RNF145: variants seen among roughly 807,000 people sequenced by gnomAD.
The protein encoded by RNF145 is ring finger protein 145.
Under a neutral mutation model 57.3 loss-of-function variants are expected in RNF145, and 12 were observed. The ratio of observed to expected loss-of-function variants is 0.21; its 90% confidence interval spans 0.13 to 0.34. RNF145 has a LOEUF of 0.34. RNF145 is among the 10% of genes least tolerant of loss of function. RNF145 has a pLI of 1.00. For missense variants in RNF145, 429 were observed against 799.0 expected, an observed-to-expected ratio of 0.54 and a Z score of 5.58; for synonymous variants, 262 against 288.3, an observed-to-expected ratio of 0.91 and a Z score of 0.92.
chr5:159,194,824 C>A lies in RNF145; in HGVS notation c.185G>T (p.Gly62Val). Residue 62 changes from glycine (G) to valine (V), a missense_variant and splice_region_variant, in exon 3 of 11, where the codon GGT becomes GTT. Around this residue, in one of 4 missense-constraint regions of RNF145, gnomAD observed 109 missense variants for 207.2 expected, o/e 0.53. Coordinates refer to ENST00000424310, the MANE Select transcript of RNF145 (RefSeq NM_001199383.2). ...KYLALNMHYV[G>V]YILSVVLLTL... ...TAGCAGCACCACACTTAAGATATAA[C>A]CTGTACCAGAAAGATAAATAAAATA... is the stretch of plus-strand genomic sequence containing the variant. 2 of 1,578,186 alleles carry A rather than the reference C, an allele frequency of 1.3e-6. No individual in the cohort carries two copies. The highest frequency in any genetic ancestry group is 1.7e-6 in the Non-Finnish European group (2 of 1,153,948).
At chr5:159,190,881 A>G (rs189130781) in intron 3 of RNF145, among the ~76,000 whole-genome samples, 1 of 152,248 alleles carries the variant, frequency 6.6e-6, no homozygotes, top group East Asian at 1.9e-4. Flanking sequence ...ATACTATCAT[A>G]TAGTATAAAT....
intron 2 of RNF145, among the ~76,000 whole-genome samples, chr5:159,198,011 CAGA>C (rs1258089142): frequency 6.6e-6 from 1 of 152,026 alleles, no homozygotes; most frequent in Non-Finnish European, 1.5e-5. Flanking sequence ...GAGGCCAAAG[CAGA>C]AGATCACTTG....
intron 10 of RNF145, among the ~76,000 whole-genome samples, chr5:159,160,976 A>G (rs1438448904): frequency 3.3e-5 from 5 of 152,216 alleles, no homozygotes; most frequent in Non-Finnish European, 7.3e-5. Context: ...GTGAGTGTGT[A>G]TTCAGGAGTA....
At position 159,192,923 on chromosome 5, in the gene RNF145, T is replaced by C. The variant is rs1033597003; in HGVS notation, c.293+1793A>G. On this transcript the variant is annotated intron_variant, in intron 3 of 10. Transcript: ENST00000424310. ...TGCATTACACTCTATAGATACAATTTTTGTTTACAAAAGAGTAAGCAAAGA... is the reference window on the plus strand; with the variant it reads ...TGCATTACACTCTATAGATACAATTCTTGTTTACAAAAGAGTAAGCAAAGA... Among the ~76,000 whole-genome samples, 3 of 152,248 alleles carry C rather than the reference T, an allele frequency of 2.0e-5. No individual in the cohort carries two copies. The East Asian group carries it at 5.8e-4, about 29-fold the overall frequency.
chr5:159,158,016 G>C lies in RNF145; in HGVS notation c.*654C>G, dbSNP rs1320096893. ...TCCGTCATAAAGTTCAAGAGTCTCA[G>C]ATTACATGAATGCACCCGCAAGGCC... On this transcript the variant is annotated 3_prime_UTR_variant, in exon 11 of 11. Coordinates refer to ENST00000424310, the MANE Select transcript of RNF145 (RefSeq NM_001199383.2). The C allele has an allele frequency of 6.5e-6, 1 of 152,782 alleles. No homozygotes were observed. The highest frequency in any genetic ancestry group is 1.5e-5 in the Non-Finnish European group (1 of 68,128). The allele number at this position is 152,782 out of a possible 1,614,324, so 9.5% of individuals were successfully genotyped here.
chr5:159,194,641 C>A, intron 3 of RNF145, 75 bp downstream of exon 3: 2 of 943,076 alleles, frequency 2.1e-6, no homozygotes, highest in Non-Finnish European at 3.4e-6. Context: ...TAACAGTGTT[C>A]ATGAAAAGTA....
rs1472930418 is a variant in RNF145, at chr5:159,209,406, G to GGAGGCAGCGGCA, written c.-227_-216dup. 5.1e-6 allele frequency: 5 copies of GGAGGCAGCGGCA among 981,866 alleles called. No individual in the cohort carries two copies. Among genetic ancestry groups the GGAGGCAGCGGCA allele is most frequent in the Admixed American group, 6.3e-5 (1 of 15,972 alleles). 60.8% of individuals were successfully genotyped at this position (981,866 alleles called of 1,614,324 possible). On this transcript the variant is annotated 5_prime_UTR_variant, in exon 1 of 11. Transcript: ENST00000424310. ...CCTCGGATGTTGCTTCTGGGGAGGC[G>GGAGGCAGCGGCA]GAGGCAGCGGCAGCGGCAGCGGCCC...
At chr5:159,203,797 AT>A in intron 1 of RNF145, 141 bp from the exon 2 acceptor site, 1 of 607,146 alleles carries the variant, frequency 1.6e-6, no homozygotes, top group Non-Finnish European at 2.9e-6. Flanking sequence ...CACAACTACT[AT>A]TTTTAGATAT....
chr5:159,199,389 GAAA>G (rs66787021), intron 2 of RNF145, among the ~76,000 whole-genome samples: 13 of 140,912 alleles, frequency 9.2e-5, no homozygotes, highest in African/African-American at 1.6e-4. Flanking sequence ...GAAAAATCAG[GAAA>G]AAAAAAAAAA....
Position 159,196,592 on chromosome 5 carries a change from C to A in RNF145, c.185-1768G>T, listed in dbSNP as rs144153365. Among the ~76,000 whole-genome samples the A allele has an allele frequency of 5.4e-3, 818 of 152,276 alleles. 9 individuals are homozygous for A. The highest frequency in any genetic ancestry group is 0.019 in the African/African-American group (775 of 41,556). ...ATGCCAAAAGCTAAGAAAACATGAGCATGCTTGGGACTAAAGAAACAGAAC... is the reference window on the plus strand; with the variant it reads ...ATGCCAAAAGCTAAGAAAACATGAGAATGCTTGGGACTAAAGAAACAGAAC... On this transcript the variant is annotated intron_variant, in intron 2 of 10. Transcript: ENST00000424310.
At chr5:159,161,904 A>G (rs950330660) in intron 9 of RNF145, among the ~76,000 whole-genome samples, 1 of 152,164 alleles carries the variant, frequency 6.6e-6, no homozygotes, top group African/African-American at 2.4e-5. Context: ...TGAGTAATCA[A>G]TTTTTTGATT....
At chr5:159,199,783 C>T (rs959112577) in intron 2 of RNF145, among the ~76,000 whole-genome samples, 3 of 152,176 alleles carry the variant, frequency 2.0e-5, no homozygotes, top group Admixed American at 6.5e-5. Context: ...CACAAAAGCC[C>T]TATTCTACCT....
Position 159,181,949 on chromosome 5 carries a change from A to G in RNF145, c.385+11T>C, listed in dbSNP as rs184986959. The G allele has an allele frequency of 6.7e-7, 1 of 1,497,768 alleles. No individual in the cohort carries two copies. Among genetic ancestry groups the G allele is most frequent in the Admixed American group, 1.7e-5 (1 of 59,264 alleles). 92.8% of individuals were successfully genotyped at this position (1,497,768 alleles called of 1,614,324 possible). On this transcript the variant is annotated intron_variant, in intron 4 of 10. Transcript: ENST00000424310. ...TTCCTACCTACACTTTAATTCTTTT[A>G]TAATACTTACCTATTAAGGCTGTGG... is the stretch of plus-strand genomic sequence containing the variant.
At chr5:159,207,972 T>A (rs1365267105) in intron 1 of RNF145, 31 of 1,588,390 alleles carry the variant, frequency 2.0e-5, no homozygotes, top group Non-Finnish European at 2.4e-5. Context: ...TCAGTAAAAC[T>A]GCACACTCCG....
At chr5:159,196,120 A>G (rs1785450741) in intron 2 of RNF145, among the ~76,000 whole-genome samples, 1 of 151,630 alleles carries the variant, frequency 6.6e-6, no homozygotes, top group South Asian at 2.1e-4. Flanking sequence ...ATTTTTGTAT[A>G]CCCTATACTT....
chr5:159,166,853 G>C (rs906755540), intron 8 of RNF145, among the ~76,000 whole-genome samples: 3 of 152,106 alleles, frequency 2.0e-5, no homozygotes, highest in African/African-American at 7.2e-5. Flanking sequence ...TGCCAAGTGT[G>C]GTGGTGTGCA....
chr5:159,175,120 T>C (rs1009605004), intron 5 of RNF145, among the ~76,000 whole-genome samples: 4 of 152,218 alleles, frequency 2.6e-5, no homozygotes, highest in Non-Finnish European at 5.9e-5. Flanking sequence ...AAATTTAAAA[T>C]TCTTTCATCA....
intron 3 of RNF145, among the ~76,000 whole-genome samples, chr5:159,184,485 C>G (rs1223233896): frequency 6.6e-6 from 1 of 152,168 alleles, no homozygotes; most frequent in Non-Finnish European, 1.5e-5. Context: ...GAGATAAATA[C>G]TTAGTCCTAT....
chr5:159,163,675 C>A (rs750977481), intron 8 of RNF145, among the ~76,000 whole-genome samples: 6 of 152,174 alleles, frequency 3.9e-5, no homozygotes, highest in Non-Finnish European at 8.8e-5. Flanking sequence ...ACACTGCCAG[C>A]CAGACTAATC....
Sources: gnomAD v4.1 joint callset for allele counts (sites outside exome capture counted in the v4.1 genomes callset) on GRCh38, gnomAD v4.1.1 for gene constraint, gnomAD v4.1.1 regional missense constraint, MANE v1.5 for transcripts, NCBI Gene and HGNC (gene_info 2026-07-23, HGNC 2026-07-21) for gene names.